UBASH3B: variants seen among roughly 807,000 people sequenced by gnomAD.
The protein encoded by UBASH3B is ubiquitin associated and SH3 domain containing B.
A neutral mutation model predicts 83.4 loss-of-function variants in UBASH3B; 37 were observed. The ratio of observed to expected loss-of-function variants is 0.44; its 90% CI spans 0.34 to 0.58. The LOEUF (loss-of-function observed/expected upper bound fraction) is 0.58, where lower values mean the gene tolerates loss of function less well. Among genes scored for constraint, UBASH3B ranks in the 20% least tolerant of loss-of-function variants. UBASH3B has a pLI of 0.01. For synonymous variants in UBASH3B, 304 were observed against 318.3 expected (o/e 0.96, Z 0.48); for missense variants, 657 against 827.2 (o/e 0.79, Z 2.52).
At chr11:122,777,291 G>A (rs1860754848) in intron 3 of UBASH3B, 81 bp downstream of exon 3, 7 of 1,447,266 alleles carry the variant, frequency 4.8e-6, no homozygotes, top group African/African-American at 1.4e-5. Flanking sequence ...GCAAAGGGAG[G>A]CCTCGCAGGA....
chr11:122,682,118 G>A (rs1863748890), intron 1 of UBASH3B, among the ~76,000 whole-genome samples: 3 of 152,302 alleles, frequency 2.0e-5, no homozygotes, highest in South Asian at 2.1e-4. Flanking sequence ...CGAGGATAGC[G>A]AGTGCAAATT....
At chr11:122,737,384 T>A in intron 1 of UBASH3B, among the ~76,000 whole-genome samples, 1 of 151,988 alleles carries the variant, frequency 6.6e-6, no homozygotes, top group East Asian at 1.9e-4. Flanking sequence ...CCAAGAAATT[T>A]AGGAGGCACA....
At chr11:122,699,521 T>C (rs947276544) in intron 1 of UBASH3B, among the ~76,000 whole-genome samples, 20 of 116,992 alleles carry the variant, frequency 1.7e-4, no homozygotes, top group Admixed American at 3.2e-4. Context: ...TTCTTTCTCT[T>C]TCTTTCTTTC....
At chr11:122,688,448 G>T (rs759230863) in intron 1 of UBASH3B, among the ~76,000 whole-genome samples, 60 of 121,474 alleles carry the variant, frequency 4.9e-4, no homozygotes, top group Middle Eastern at 5.0e-3. Context: ...TTTGTGGTTT[G>T]TTTGTTTTTT....
At chr11:122,748,614 T>A (rs1211569471) in intron 1 of UBASH3B, among the ~76,000 whole-genome samples, 1 of 152,228 alleles carries the variant, frequency 6.6e-6, no homozygotes, top group Non-Finnish European at 1.5e-5. Context: ...TTTCATCTTC[T>A]CCTTGATTCT....
intron 1 of UBASH3B, among the ~76,000 whole-genome samples, chr11:122,695,544 C>T (rs76245690): frequency 0.017 from 2,620 of 152,338 alleles, 80 homozygotes; most frequent in African/African-American, 0.06. Context: ...GTGTCTGATG[C>T]TGTCGCCATT....
intron 1 of UBASH3B, among the ~76,000 whole-genome samples, chr11:122,723,209 T>C (rs1860672450): frequency 6.6e-6 from 1 of 152,258 alleles, no homozygotes; most frequent in African/African-American, 2.4e-5. Context: ...TTCTGACAAT[T>C]AACCAGGCTT....
At chr11:122,778,021 T>C (rs930228742) in intron 3 of UBASH3B, among the ~76,000 whole-genome samples, 6 of 152,116 alleles carry the variant, frequency 3.9e-5, no homozygotes, top group South Asian at 2.1e-4. Flanking sequence ...TGAGCCACCA[T>C]GCCTGGCCTC....
intron 11 of UBASH3B, among the ~76,000 whole-genome samples, chr11:122,804,109 C>T (rs1245223691): frequency 2.0e-5 from 3 of 152,148 alleles, no homozygotes; most frequent in African/African-American, 4.8e-5. Flanking sequence ...CATGGTCTCA[C>T]ACTTGAAATG....
chr11:122,761,909 A>G (rs2135977165), intron 1 of UBASH3B, among the ~76,000 whole-genome samples: 1 of 146,336 alleles, frequency 6.8e-6, no homozygotes, highest in Admixed American at 7.1e-5. Flanking sequence ...CTCCTGCCTC[A>G]GCCTCCCGAG....
chr11:122,809,936 T>C lies in UBASH3B; in HGVS notation c.*50T>C. The C allele has an allele frequency of 1.9e-6, 3 of 1,596,400 alleles. No homozygotes were observed. The highest frequency in any genetic ancestry group is 2.6e-6 in the Non-Finnish European group (3 of 1,173,146). ...AGGCCTTTTGGAGTGTGTCTTTCTG[T>C]GTGTTTAAAAACAGTGGGAAAATCC... On this transcript the variant is annotated 3_prime_UTR_variant, in exon 14 of 14. Transcript: ENST00000284273.
chr11:122,750,388 G>T (rs1437039614), intron 1 of UBASH3B, among the ~76,000 whole-genome samples: 1 of 151,868 alleles, frequency 6.6e-6, no homozygotes, highest in Non-Finnish European at 1.5e-5. Flanking sequence ...TGTACCCTCA[G>T]TTACCCCCAC....
At chr11:122,738,549 T>C (rs1336216759) in intron 1 of UBASH3B, among the ~76,000 whole-genome samples, 3 of 152,104 alleles carry the variant, frequency 2.0e-5, no homozygotes, top group Non-Finnish European at 4.4e-5. Context: ...AGTGCAATGG[T>C]CAGGAAGAGG....
At chr11:122,762,631 G>A (rs374639278) in intron 1 of UBASH3B, among the ~76,000 whole-genome samples, 11 of 152,182 alleles carry the variant, frequency 7.2e-5, no homozygotes, top group Non-Finnish European at 1.6e-4. Flanking sequence ...AACAATCTGC[G>A]TCATGTGCGC....
At chr11:122,690,946 G>A (rs1342340452) in intron 1 of UBASH3B, among the ~76,000 whole-genome samples, 1 of 152,166 alleles carries the variant, frequency 6.6e-6, no homozygotes, top group East Asian at 1.9e-4. Context: ...TTCTGCGAAA[G>A]GCTGAAGCCC....
chr11:122,712,902 T>TTG (rs1467403248), intron 1 of UBASH3B, among the ~76,000 whole-genome samples: 57 of 89,476 alleles, frequency 6.4e-4, no homozygotes, highest in African/African-American at 2.2e-3. Flanking sequence ...GGTGGTTTTT[T>TTG]TTTTTTTTTT....
Position 122,797,040 on chromosome 11 carries a change from A to T in UBASH3B, c.1357+7A>T. The T allele has an allele frequency of 6.3e-7, 1 of 1,592,090 alleles. No homozygotes were observed. The highest frequency in any genetic ancestry group is 8.6e-7 in the Non-Finnish European group (1 of 1,169,416). ...ATGCAAGCAAGACTAGTGGGTAAGT[A>T]TCCTGGAGTGACTGCACTCCAGGCA... On this transcript the variant is annotated splice_region_variant and intron_variant, in intron 9 of 13. Coordinates refer to ENST00000284273, the MANE Select transcript of UBASH3B (RefSeq NM_032873.5).
In UBASH3B at chr11:122,796,136, T is replaced by C. The variant is rs1418716743; in HGVS notation, c.1114-20T>C. On this transcript the variant is annotated intron_variant, in intron 7 of 13. Coordinates refer to ENST00000284273, the MANE Select transcript of UBASH3B (RefSeq NM_032873.5). ...ACTTTGCCATGTGTGTCTTCACTAA[T>C]AGCCTTTCTTTCTCTGCAGCCGCTG... 4 of 1,613,448 alleles carry C rather than the reference T, an allele frequency of 2.5e-6. No homozygotes were observed. Among genetic ancestry groups the C allele is most frequent in the Non-Finnish European group, 3.4e-6 (4 of 1,179,690 alleles).
chr11:122,791,517 C>A (rs937779269), intron 6 of UBASH3B, among the ~76,000 whole-genome samples: 1 of 152,204 alleles, frequency 6.6e-6, no homozygotes, highest in Non-Finnish European at 1.5e-5. Context: ...CCAGTCCTCA[C>A]TTAGTGCTCA....
Sources: allele counts gnomAD v4.1 joint callset (sites outside exome capture counted in the v4.1 genomes callset), GRCh38; gene constraint gnomAD v4.1.1; transcripts MANE v1.5; gene names NCBI Gene and HGNC (gene_info 2026-07-23, HGNC 2026-07-21).